Variants in NCR2 observed in about 807,000 individuals in gnomAD.
The protein encoded by NCR2 is natural cytotoxicity triggering receptor 2.
NCR2 carries 35 observed loss-of-function variants against 30.7 expected under a neutral mutation model. The ratio of observed to expected loss-of-function variants is 1.14; its 90% CI spans 0.87 to 1.51. The LOEUF is 1.51. NCR2 is among the 40% of genes most tolerant of loss of function. The pLI, the probability that NCR2 is intolerant of heterozygous loss-of-function variation, is 0.00. For missense variants in NCR2, 316 were observed against 328.9 expected, an observed-to-expected ratio of 0.96 and a Z score of 0.30; for synonymous variants, 146 against 134.8, an observed-to-expected ratio of 1.08 and a Z score of -0.58.
chr6:41,349,237 C>T (rs957503509), intron 4 of NCR2, among the ~76,000 whole-genome samples: 1 of 149,648 alleles, frequency 6.7e-6, no homozygotes, highest in African/African-American at 2.5e-5. Context: ...TTCTTTGACC[C>T]TAGTTCCTGA....
chr6:41,336,119 C>G lies in NCR2; in HGVS notation c.85C>G (p.Gln29Glu). 1 of 1,614,050 alleles carries G rather than the reference C, an allele frequency of 6.2e-7. No individual in the cohort carries two copies. Among genetic ancestry groups the G allele is most frequent in the Non-Finnish European group, 8.5e-7 (1 of 1,180,000 alleles). ...GGCACAATCCAAGGCTCAGGTACTT[C>G]AAAGTGTGGCAGGGCAGACGCTAAC... ...SQAQSKAQVLQSVAGQTLTVR... is the reference protein window; with the variant it reads ...SQAQSKAQVLESVAGQTLTVR... Residue 29 changes from glutamine to glutamate, a missense_variant, in exon 2 of 5, where the codon CAA (glutamine) becomes GAA (glutamate). Physicochemically the swap from Gln to Glu is conservative, Grantham distance 29. Coordinates refer to ENST00000373089, the MANE Select transcript of NCR2 (RefSeq NM_004828.4).
intron 4 of NCR2, among the ~76,000 whole-genome samples, chr6:41,344,488 T>C (rs912106162): frequency 1.2e-4 from 18 of 152,230 alleles, no homozygotes; most frequent in African/African-American, 4.3e-4. Context: ...CTGTTTGTCA[T>C]CTATTTTTCT....
At chr6:41,340,667 C>T (rs78867910) in intron 2 of NCR2, among the ~76,000 whole-genome samples, 2,439 of 152,208 alleles carry the variant, frequency 0.016, 62 homozygotes, top group African/African-American at 0.054. Context: ...GTTTTGAAAC[C>T]CCTACTCCCA....
Position 41,342,028 on chromosome 6 carries a change from C to T in NCR2, c.531-8C>T. On this transcript the variant is annotated splice_region_variant and splice_polypyrimidine_tract_variant and intron_variant, in intron 3 of 4. Transcript: ENST00000373089. ...GTCCTCTCCCCTTCCTGTCCCTCTGCCTTCCAGGCCACAGAACTCCACGCT... is the reference window on the plus strand; with the variant it reads ...GTCCTCTCCCCTTCCTGTCCCTCTGTCTTCCAGGCCACAGAACTCCACGCT... 11 of 1,613,960 alleles carry T rather than the reference C, an allele frequency of 6.8e-6. No individual in the cohort carries two copies. Among genetic ancestry groups the T allele is most frequent in the Non-Finnish European group, 9.3e-6 (11 of 1,180,002 alleles).
intron 4 of NCR2, among the ~76,000 whole-genome samples, chr6:41,348,729 A>G (rs977390362): frequency 6.6e-6 from 1 of 152,062 alleles, no homozygotes; most frequent in Non-Finnish European, 1.5e-5. Flanking sequence ...ATTTTATGCT[A>G]TTTCTGTTCC....
At chr6:41,345,635 T>A (rs11757145) in intron 4 of NCR2, among the ~76,000 whole-genome samples, 2 of 151,888 alleles carry the variant, frequency 1.3e-5, no homozygotes, top group Admixed American at 6.6e-5. Flanking sequence ...CAGTACAGCC[T>A]CTTGGTGCCT....
rs193129503 is a variant in NCR2 at position 41,343,461 on chromosome 6, C to T, written c.644+1312C>T. 3.4e-3 allele frequency among the ~76,000 whole-genome samples: 512 copies of T among 152,294 alleles called. 4 individuals are homozygous for T. Among genetic ancestry groups the T allele is most frequent in the Non-Finnish European group, 5.9e-3 (398 of 68,034 alleles). On this transcript the variant is annotated intron_variant, in intron 4 of 4. Transcript: ENST00000373089. ...CGCCACTGCACTCCAGCCTGAGCCA[C>T]GGAGTGAGACCTTGTCTCTAAAACA... is the stretch of plus-strand genomic sequence containing the variant.
At chr6:41,343,065 T>G in intron 4 of NCR2, 1 of 1,493,780 alleles carries the variant, frequency 6.7e-7, no homozygotes, top group African/African-American at 1.4e-5. Flanking sequence ...TCCCAGCAGC[T>G]CCTCCCTGAC....
At chr6:41,341,672 T>A in intron 2 of NCR2, 122 bp from the exon 3 acceptor site, 2 of 1,306,134 alleles carry the variant, frequency 1.5e-6, no homozygotes, top group South Asian at 2.9e-5. Context: ...CAAATTAGTT[T>A]TCTTCTCTGG....
chr6:41,343,624 A>G (rs1769230056), intron 4 of NCR2, among the ~76,000 whole-genome samples: 1 of 152,256 alleles, frequency 6.6e-6, no homozygotes. Context: ...GCAGTTGTAG[A>G]GAGAAAAAAA....
chr6:41,347,229 A>C (rs556244980), intron 4 of NCR2, among the ~76,000 whole-genome samples: 8 of 152,128 alleles, frequency 5.3e-5, no homozygotes, highest in Non-Finnish European at 1.2e-4. Context: ...AGAAAAAGGA[A>C]TATTCATCCA....
Position 41,336,091 on chromosome 6 carries a change from T to A in NCR2, c.57T>A (p.Ser19=), listed in dbSNP as rs778360545. ...CGTTACTTCATCATTCTCCAGGCTC[T>A]CAGGCACAATCCAAGGCTCAGGTAC... ...LLLLLLLFPG[S]QAQSKAQVLQ... The change falls in exon 2 of 5, where the codon TCT becomes TCA. Residue 19 remains serine (S), a synonymous_variant. Transcript: ENST00000373089. 1.2e-6 allele frequency: 2 copies of A among 1,612,770 alleles called. No individual in the cohort carries two copies. The highest frequency in any genetic ancestry group is 1.7e-6 in the Non-Finnish European group (2 of 1,179,220).
chr6:41,346,503 C>G (rs879682208), intron 4 of NCR2, among the ~76,000 whole-genome samples: 3 of 152,172 alleles, frequency 2.0e-5, no homozygotes, highest in Non-Finnish European at 4.4e-5. Flanking sequence ...GATCCAACCT[C>G]AAATCAGTCT....
intron 2 of NCR2, among the ~76,000 whole-genome samples, chr6:41,341,046 T>G (rs988225123): frequency 6.6e-6 from 1 of 152,164 alleles, no homozygotes; most frequent in African/African-American, 2.4e-5. Context: ...AGACCTAGTC[T>G]GCTAGGTCGA....
At chr6:41,345,037 A>ACT (rs762045689) in intron 4 of NCR2, among the ~76,000 whole-genome samples, 7 of 146,678 alleles carry the variant, frequency 4.8e-5, no homozygotes, top group Non-Finnish European at 1.1e-4. Context: ...CCCACTGCAC[A>ACT]CTCTCTCTCT....
At chr6:41,342,533 C>T (rs1037654080) in intron 4 of NCR2, among the ~76,000 whole-genome samples, 1 of 151,550 alleles carries the variant, frequency 6.6e-6, no homozygotes, top group African/African-American at 2.4e-5. Flanking sequence ...CTTCTTCCCT[C>T]TACCTTTCTC....
intron 1 of NCR2, 62 bp downstream of exon 1, chr6:41,335,990 G>A: frequency 6.3e-7 from 1 of 1,582,168 alleles, no homozygotes. Context: ...TGTCAGGACA[G>A]CAGGGTCAGG....
At chr6:41,339,375 TTTG>T (rs561659991) in intron 2 of NCR2, among the ~76,000 whole-genome samples, 1 of 150,846 alleles carries the variant, frequency 6.6e-6, no homozygotes. Flanking sequence ...GCCACTTGTT[TTTG>T]TTGTTGTTGT....
At chr6:41,341,977 C>A in intron 3 of NCR2, 48 bp downstream of exon 3, 1 of 1,611,658 alleles carries the variant, frequency 6.2e-7, no homozygotes, top group Non-Finnish European at 8.5e-7. Context: ...CGGGGGCTGG[C>A]AGATGGAGAC....
Sources: gnomAD v4.1 joint callset for allele counts (sites outside exome capture counted in the v4.1 genomes callset) on GRCh38, gnomAD v4.1.1 for gene constraint, MANE v1.5 for transcripts, NCBI Gene and HGNC (gene_info 2026-07-23, HGNC 2026-07-21) for gene names.